CROCC: variants seen among roughly 807,000 people sequenced by gnomAD.
The protein encoded by CROCC is ciliary rootlet coiled-coil, rootletin.
A neutral mutation model predicts 245.2 loss-of-function variants in CROCC; 180 were observed. The ratio of observed to expected loss-of-function variants is 0.73; its 90% CI spans 0.65 to 0.83. The LOEUF is 0.83. CROCC is among the 40% of genes least tolerant of loss of function. The pLI, the probability that CROCC is intolerant of heterozygous loss-of-function variation, is 0.00. For missense variants in CROCC, 2,688 were observed against 2,779.4 expected (o/e 0.97, Z 0.74); for synonymous variants, 1,205 against 1,241.6 (o/e 0.97, Z 0.62).
At position 16,952,250 on chromosome 1, in the gene CROCC, C is replaced by T. The variant is rs575553755; in HGVS notation, c.3007-1052C>T. Among the ~76,000 whole-genome samples the T allele has an allele frequency of 6.0e-5, 9 of 150,888 alleles. No homozygotes were observed. The South Asian group carries it at 6.3e-4, about 11-fold the overall frequency. On this transcript the variant is annotated intron_variant, in intron 20 of 36. Transcript: ENST00000375541. ...CCTGTAATCCAGCACTTTGGGAGGC[C>T]GAGGTGGGCAGATCACCAGGTCGGA...
chr1:16,934,703 G>A (rs1237822539), intron 8 of CROCC, among the ~76,000 whole-genome samples: 1 of 152,178 alleles, frequency 6.6e-6, no homozygotes, highest in African/African-American at 2.4e-5. Context: ...ATTTCAAAAG[G>A]GTACACAGTA....
chr1:16,940,223 T>TATTC (rs2075898364), intron 13 of CROCC, 130 bp downstream of exon 13: 1 of 1,015,622 alleles, frequency 9.8e-7, no homozygotes, highest in African/African-American at 1.6e-5. Flanking sequence ...TATTAACGTT[T>TATTC]ATTTATTTAT....
chr1:16,929,456 T>A (rs7539401), intron 3 of CROCC, among the ~76,000 whole-genome samples: 1 of 152,250 alleles, frequency 6.6e-6, no homozygotes, highest in Admixed American at 6.5e-5. Flanking sequence ...TGAGCTCACA[T>A]TGGGGTCGGG....
At chr1:16,932,667 G>A (rs1481922781) in intron 8 of CROCC, among the ~76,000 whole-genome samples, 1 of 152,140 alleles carries the variant, frequency 6.6e-6, no homozygotes, top group African/African-American at 2.4e-5. Flanking sequence ...ATGGAGGTGG[G>A]AGCCCATGGC....
In CROCC at chr1:16,922,791, G is replaced by A; in HGVS notation, c.189G>A (p.Glu63=). Residue 63 remains glutamate, a synonymous_variant, in exon 2 of 37, where the codon GAG becomes GAA. Coordinates refer to ENST00000375541, the MANE Select transcript of CROCC (RefSeq NM_014675.5). ...EIVTRNLSQP[E]SPVLLPATEM... is the part of the protein sequence containing the mutation. The stretch of plus-strand genomic sequence containing the variant: ...TCACCCGCAACCTCTCCCAGCCTGA[G>A]AGCCCAGGTGCCACCCCCATCCGCT... The A allele has an allele frequency of 2.5e-6, 4 of 1,612,300 alleles. No individual in the cohort carries two copies. The highest frequency in any genetic ancestry group is 2.2e-5 in the South Asian group (2 of 90,888).
intron 20 of CROCC, 123 bp downstream of exon 20, chr1:16,951,245 C>T (rs2076154900): frequency 1.1e-6 from 1 of 891,494 alleles, no homozygotes; most frequent in South Asian, 2.7e-5. Flanking sequence ...GTCCTGGGGA[C>T]AGCTAGGAGG....
At position 16,968,259 on chromosome 1, in the gene CROCC, C is replaced by T; in HGVS notation, c.4917C>T (p.Arg1639=). The change falls in exon 31 of 37, where the codon CGC becomes CGT. Residue 1639 remains arginine, a synonymous_variant. Coordinates refer to ENST00000375541, the MANE Select transcript of CROCC (RefSeq NM_014675.5). ...NETKLEGDKR[R]LKEVLDASES... is the part of the protein sequence containing the mutation. ...CAAAGCTGGAGGGCGACAAGCGGCG[C>T]CTGAAGGAGGTTCTGGACGCCTCCG... is the stretch of plus-strand genomic sequence containing the variant. 6.4e-7 allele frequency: 1 copy of T among 1,566,696 alleles called. No individual in the cohort carries two copies. Among genetic ancestry groups the T allele is most frequent in the Non-Finnish European group, 8.6e-7 (1 of 1,157,192 alleles).
At position 16,969,348 on chromosome 1, in the gene CROCC, G is replaced by A. The variant is rs780755903; in HGVS notation, c.5301+8G>A. On this transcript the variant is annotated splice_region_variant and intron_variant, in intron 32 of 36. Transcript: ENST00000375541. ...GACCGCCAAGTACTCCAGGTCTCGGGCCCAGGGTCTGGCTGGGGTGGGCCC... is the reference window on the plus strand; with the variant it reads ...GACCGCCAAGTACTCCAGGTCTCGGACCCAGGGTCTGGCTGGGGTGGGCCC... 47 of 1,606,660 alleles carry A rather than the reference G, an allele frequency of 2.9e-5. No individual in the cohort carries two copies. Among genetic ancestry groups the A allele is most frequent in the Non-Finnish European group, 3.7e-5 (43 of 1,177,200 alleles).
chr1:16,938,849 C>A (rs1186154300), intron 11 of CROCC, 60 bp from the exon 12 acceptor site: 2 of 1,527,560 alleles, frequency 1.3e-6, no homozygotes, highest in Non-Finnish European at 1.8e-6. Flanking sequence ...CGTCTTTGCC[C>A]AGCTAACCCC....
At chr1:16,925,631 A>G (rs2075517225) in intron 3 of CROCC, among the ~76,000 whole-genome samples, 1 of 152,262 alleles carries the variant, frequency 6.6e-6, no homozygotes, top group South Asian at 2.1e-4. Context: ...TGGCAGAGCT[A>G]GGGTTGGCAT....
upstream of CROCC, among the ~76,000 whole-genome samples, chr1:16,918,300 C>CTTTTTTTTTTTTTTTTT (rs201445636): frequency 8.1e-6 from 1 of 123,872 alleles, no homozygotes; most frequent in Non-Finnish European, 1.7e-5. Flanking sequence ...GGAATTCAGT[C>CTTTTTTTTTTTTTTTTT]TTTTTTTTTT....
chr1:16,929,410 T>C (rs2075611968), intron 3 of CROCC, among the ~76,000 whole-genome samples: 1 of 150,806 alleles, frequency 6.6e-6, no homozygotes, highest in African/African-American at 2.4e-5. Context: ...ATTCTAGTAC[T>C]AAGATACAAT....
chr1:16,950,430 C>T (rs1307098419), intron 19 of CROCC, among the ~76,000 whole-genome samples: 1 of 151,906 alleles, frequency 6.6e-6, no homozygotes, highest in East Asian at 1.9e-4. Context: ...GCAATCTCAG[C>T]TCACTGCAAC....
Position 16,956,033 on chromosome 1 carries a change from G to A in CROCC, c.3741G>A (p.Leu1247=). The A allele has an allele frequency of 6.4e-7, 1 of 1,551,038 alleles. No individual in the cohort carries two copies. The highest frequency in any genetic ancestry group is 8.7e-7 in the Non-Finnish European group (1 of 1,147,026). Residue 1247 remains leucine (L), a synonymous_variant, in exon 25 of 37, where the codon CTG becomes CTA. Coordinates refer to ENST00000375541, the MANE Select transcript of CROCC (RefSeq NM_014675.5). The part of the protein sequence containing the change: ...KLANEDKEQK[L]ALLEEARTAV... Reference sequence around the variant, plus strand: ...CCAATGAGGACAAGGAGCAGAAGCTGGCACTCCTAGAGGAGGCACGGACAG... The same window carrying A: ...CCAATGAGGACAAGGAGCAGAAGCTAGCACTCCTAGAGGAGGCACGGACAG...
rs1232842209 is a variant in CROCC, at chr1:16,947,009, T to TG, written c.2514+23dup. ...TAGCGCAGGTGGGCAAAGCTGTGTG[T>TG]GGGGGTGGTGTGGAGAGCATGTGGG... On this transcript the variant is annotated intron_variant, in intron 17 of 36. Transcript: ENST00000375541. 3 of 1,541,606 alleles carry TG rather than the reference T, an allele frequency of 1.9e-6. No individual in the cohort carries two copies. The highest frequency in any genetic ancestry group is 8.8e-7 in the Non-Finnish European group (1 of 1,142,118).
intron 24 of CROCC, 138 bp downstream of exon 24, chr1:16,955,688 T>C: frequency 1.1e-6 from 1 of 876,182 alleles, no homozygotes; most frequent in East Asian, 2.7e-5. Context: ...ACCTGGGTGA[T>C]TTTAGGAAGG....
In CROCC at chr1:16,972,434, C is replaced by G. The variant is rs778080727; in HGVS notation, c.6042C>G (p.Pro2014=). ...SSAPFSPPSG[P]PEK is the part of the protein sequence containing the mutation. Reference sequence around the variant, plus strand: ...CACCCTTCTCCCCACCCTCCGGCCCCCCAGAGAAATGAGCTCCTGCTGGCA... The same window carrying G: ...CACCCTTCTCCCCACCCTCCGGCCCGCCAGAGAAATGAGCTCCTGCTGGCA... The change falls in exon 37 of 37, where the codon CCC becomes CCG. Residue 2014 remains proline, a synonymous_variant. Transcript: ENST00000375541. 1.2e-6 allele frequency: 2 copies of G among 1,612,752 alleles called. No individual in the cohort carries two copies. Among genetic ancestry groups the G allele is most frequent in the Non-Finnish European group, 1.7e-6 (2 of 1,179,338 alleles).
chr1:16,954,684 G>C lies in CROCC; in HGVS notation c.3322-50G>C. The stretch of plus-strand genomic sequence containing the variant: ...GCACTGAGCGGGTTGGGAGCAGCCC[G>C]GGGCTGGGGGACACAGCAGGACCAA... On this transcript the variant is annotated intron_variant, in intron 22 of 36. Transcript: ENST00000375541. The surrounding 1 kb of genome is among the most constrained non-coding windows in gnomAD (Gnocchi z 4.4). 1.3e-6 allele frequency: 2 copies of C among 1,505,336 alleles called. No homozygotes were observed. The highest frequency in any genetic ancestry group is 1.8e-6 in the Non-Finnish European group (2 of 1,120,996). The allele number at this position is 1,505,336 out of a possible 1,614,324, so 93.2% of individuals were successfully genotyped here.
chr1:16,949,414 C>G (rs1287835153), intron 19 of CROCC, among the ~76,000 whole-genome samples: 1 of 152,208 alleles, frequency 6.6e-6, no homozygotes, highest in Non-Finnish European at 1.5e-5. Context: ...ATTTTCCTGT[C>G]CATGTACACC....
Sources: gnomAD v4.1 joint callset for allele counts (sites outside exome capture counted in the v4.1 genomes callset) on GRCh38, gnomAD v4.1.1 for gene constraint, Gnocchi (gnomAD v3.1) non-coding constraint, MANE v1.5 for transcripts, NCBI Gene and HGNC (gene_info 2026-07-23, HGNC 2026-07-21) for gene names.